The following LATS1 variants were observed in gnomAD, a reference collection of about 807,000 sequenced individuals.
The protein encoded by LATS1 is large tumor suppressor kinase 1.
Under a neutral mutation model 106.6 loss-of-function variants are expected in LATS1, and 25 were observed. The observed-to-expected ratio is 0.23, with a 90% CI of 0.17 to 0.33. The LOEUF is 0.33. Among genes scored for constraint, LATS1 ranks in the 10% least tolerant of loss-of-function variants. LATS1 has a pLI of 1.00. For missense variants in LATS1, 1,040 were observed against 1,382.6 expected, an observed-to-expected ratio of 0.75 and a Z score of 3.93; for synonymous variants, 465 against 455.6, an observed-to-expected ratio of 1.02 and a Z score of -0.26.
intron 7 of LATS1, among the ~76,000 whole-genome samples, chr6:149,668,544 T>C (rs1781281369): frequency 6.6e-6 from 1 of 151,508 alleles, no homozygotes; most frequent in Non-Finnish European, 1.5e-5. Flanking sequence ...TGGGCTCAAG[T>C]GATCCTCTTG....
In LATS1 at chr6:149,684,263, G is replaced by A. The variant is rs1045863115; in HGVS notation, c.826C>T (p.Arg276Cys). 4 of 1,614,026 alleles carry A rather than the reference G, an allele frequency of 2.5e-6. No homozygotes were observed. Among genetic ancestry groups the A allele is most frequent in the East Asian group, 2.2e-5 (1 of 44,874 alleles). ...PSWEPNSQTKRYSGNMEYVIS... is the reference protein window; with the variant it reads ...PSWEPNSQTKCYSGNMEYVIS... ...ACGTATTCCATGTTTCCAGAATAGCGCTTTGTTTGAGAGTTTGGTTCCCAT... is the reference window on the plus strand; with the variant it reads ...ACGTATTCCATGTTTCCAGAATAGCACTTTGTTTGAGAGTTTGGTTCCCAT... The change falls in exon 4 of 8, where the codon CGC becomes TGC. Residue 276 changes from arginine to cysteine, a missense_variant. By Grantham distance (180) the Arg-to-Cys change is radical. Around this residue, in one of 7 missense-constraint regions of LATS1, gnomAD observed 624 missense variants for 714.8 expected, o/e 0.87. Coordinates refer to ENST00000543571, the MANE Select transcript of LATS1 (RefSeq NM_004690.4).
At chr6:149,676,034 G>A (rs970479883) in intron 7 of LATS1, 3 of 467,766 alleles carry the variant, frequency 6.4e-6, no homozygotes, top group African/African-American at 2.0e-5. Flanking sequence ...ATATTTGTTT[G>A]TAGAGATGTG....
intron 7 of LATS1, among the ~76,000 whole-genome samples, chr6:149,667,883 T>C (rs1781242652): frequency 6.6e-6 from 1 of 152,214 alleles, no homozygotes; most frequent in Admixed American, 6.5e-5. Flanking sequence ...CATTTTAAAG[T>C]GCTGTAAGAA....
chr6:149,679,840 G>C, intron 5 of LATS1, 35 bp downstream of exon 5: 1 of 1,395,536 alleles, frequency 7.2e-7, no homozygotes, highest in African/African-American at 1.4e-5. Flanking sequence ...ACATTATTAT[G>C]AACAAACTAA....
intron 1 of LATS1, among the ~76,000 whole-genome samples, chr6:149,710,613 T>A (rs1784037367): frequency 6.6e-6 from 1 of 152,200 alleles, no homozygotes; most frequent in African/African-American, 2.4e-5. Flanking sequence ...TGATACTGCC[T>A]TAGTGGTCAG....
At chr6:149,680,699 G>A (rs949427423) in intron 4 of LATS1, among the ~76,000 whole-genome samples, 1 of 150,608 alleles carries the variant, frequency 6.6e-6, no homozygotes, top group African/African-American at 2.5e-5. Context: ...TGCAAGAAGA[G>A]GGTACCAGAT....
At chr6:149,678,660 A>T (rs1022646632) in intron 5 of LATS1, among the ~76,000 whole-genome samples, 16 of 152,244 alleles carry the variant, frequency 1.1e-4, no homozygotes, top group Admixed American at 5.9e-4. Context: ...CATAGTATTT[A>T]ACAAATGTTA....
chr6:149,682,445 A>C (rs1457950712), intron 4 of LATS1, among the ~76,000 whole-genome samples: 1 of 143,488 alleles, frequency 7.0e-6, no homozygotes, highest in Non-Finnish European at 1.5e-5. Flanking sequence ...ACGGAGTCTC[A>C]CTGTCGCCCA....
At chr6:149,673,096 C>CTTTTT (rs199602290) in intron 7 of LATS1, among the ~76,000 whole-genome samples, 231 of 118,928 alleles carry the variant, frequency 1.9e-3, no homozygotes, top group Non-Finnish European at 2.8e-3. Context: ...CTTTTCTTTT[C>CTTTTT]TTTTTTTTTT....
chr6:149,688,611 T>G (rs1782540847), intron 3 of LATS1, among the ~76,000 whole-genome samples: 1 of 152,078 alleles, frequency 6.6e-6, no homozygotes, highest in Non-Finnish European at 1.5e-5. Context: ...CCCGGGCCGT[T>G]CATTAAATAT....
intron 2 of LATS1, among the ~76,000 whole-genome samples, chr6:149,700,260 G>A (rs1783376675): frequency 3.9e-5 from 6 of 152,122 alleles, no homozygotes; most frequent in Admixed American, 3.9e-4. Flanking sequence ...CTGATCACGA[G>A]GTCAGGAGTT....
At position 149,658,514 on chromosome 6, in the gene LATS1, T is replaced by A. The variant is rs555132790; in HGVS notation, c.*3215A>T. Reference sequence around the variant, plus strand: ...TTTAGATTAAAATGAACAGGCTAAATGTTCCACTTTAAATACCAAAGGGAT... The same window carrying A: ...TTTAGATTAAAATGAACAGGCTAAAAGTTCCACTTTAAATACCAAAGGGAT... On this transcript the variant is annotated 3_prime_UTR_variant, in exon 8 of 8. Coordinates refer to ENST00000543571, the MANE Select transcript of LATS1 (RefSeq NM_004690.4). 7 of 152,346 alleles carry A rather than the reference T, an allele frequency of 4.6e-5. No homozygotes were observed. Among genetic ancestry groups the A allele is most frequent in the Admixed American group, 2.6e-4 (4 of 15,296 alleles). The allele number at this position is 152,346 out of a possible 1,614,324, so 9.4% of individuals were successfully genotyped here.
intron 2 of LATS1, among the ~76,000 whole-genome samples, chr6:149,700,427 C>T (rs1191342135): frequency 6.6e-6 from 1 of 152,058 alleles, no homozygotes; most frequent in Admixed American, 6.6e-5. Context: ...GAGCTGAGAT[C>T]GCACCACTGC....
chr6:149,687,958 T>C (rs1782499201), intron 3 of LATS1, among the ~76,000 whole-genome samples: 1 of 149,652 alleles, frequency 6.7e-6, no homozygotes, highest in African/African-American at 2.5e-5. Context: ...CACTGCAAGC[T>C]CCGCCTCCCG....
chr6:149,714,867 GAATA>G lies in LATS1; in HGVS notation c.-141+2978_-141+2981del, dbSNP rs980978320. Among the ~76,000 whole-genome samples the G allele has an allele frequency of 3.2e-4, 49 of 152,194 alleles. 1 individual carries two copies. Among genetic ancestry groups the G allele is most frequent in the African/African-American group, 1.0e-3 (43 of 41,534 alleles). On this transcript the variant is annotated intron_variant, in intron 1 of 7. Transcript: ENST00000543571. ...AGACGAAAATGGTATACAATTGAAT[GAATA>G]AATGTATGCTATTATTAATAAAAGC...
rs894642232 is a variant in LATS1, at chr6:149,660,371, T to C, written c.*1358A>G. On this transcript the variant is annotated 3_prime_UTR_variant, in exon 8 of 8. Transcript: ENST00000543571. ...GCTCTGCCTTTAATTTTACTACATATACGGTTTCAATTAGCTTTTATGCGA... is the reference window on the plus strand; with the variant it reads ...GCTCTGCCTTTAATTTTACTACATACACGGTTTCAATTAGCTTTTATGCGA... The C allele has an allele frequency of 6.4e-5, 15 of 233,022 alleles. No homozygotes were observed. The highest frequency in any genetic ancestry group is 3.3e-4 in the African/African-American group (15 of 45,346). The allele number at this position is 233,022 out of a possible 1,614,324, so 14.4% of individuals were successfully genotyped here. A position where few individuals can be genotyped will look rare whatever the true frequency, so the allele number is the denominator to read the frequency against.
intron 7 of LATS1, among the ~76,000 whole-genome samples, chr6:149,669,370 T>C (rs192039794): frequency 6.6e-6 from 1 of 151,676 alleles, no homozygotes; most frequent in Non-Finnish European, 1.5e-5. Flanking sequence ...CCTGACCTCA[T>C]GATCTACCTG....
intron 7 of LATS1, among the ~76,000 whole-genome samples, chr6:149,672,902 C>T (rs954682551): frequency 2.6e-5 from 4 of 151,854 alleles, no homozygotes; most frequent in East Asian, 1.9e-4. Context: ...CAAGATAGCA[C>T]CATTGCACTC....
At chr6:149,695,864 G>C (rs945793559) in intron 2 of LATS1, among the ~76,000 whole-genome samples, 1 of 150,958 alleles carries the variant, frequency 6.6e-6, no homozygotes, top group African/African-American at 2.4e-5. Context: ...ACTTCTCTGG[G>C]TACAATCATA....
Sources: gnomAD v4.1 joint callset for allele counts (sites outside exome capture counted in the v4.1 genomes callset) on GRCh38, gnomAD v4.1.1 for gene constraint, gnomAD v4.1.1 regional missense constraint, MANE v1.5 for transcripts, NCBI Gene and HGNC (gene_info 2026-07-23, HGNC 2026-07-21) for gene names.